The following SERINC2 variants were observed in gnomAD, a reference collection of about 807,000 sequenced individuals.
SERINC2 encodes the protein serine incorporator 2, also known as tumor differentially expressed protein 2.
Under a neutral mutation model 54.2 loss-of-function variants are expected in SERINC2, and 56 were observed. The observed-to-expected ratio is 1.03, with a 90% CI of 0.83 to 1.29. The LOEUF is 1.29. SERINC2 is among the 50% of genes most tolerant of loss of function. The pLI is 0.00. For synonymous variants in SERINC2, 272 were observed against 253.1 expected (o/e 1.07, Z -0.71); for missense variants, 614 against 607.4 (o/e 1.01, Z -0.12).
chr1:31,431,992 GAT>G (rs1641254920), intron 8 of SERINC2, among the ~76,000 whole-genome samples: 1 of 144,624 alleles, frequency 6.9e-6, no homozygotes, highest in Admixed American at 6.8e-5. Flanking sequence ...GGATAGGGTG[GAT>G]AGGGTGGATA....
At position 31,429,024 on chromosome 1, in the gene SERINC2, T is replaced by A; in HGVS notation, c.827T>A (p.Leu276His). The stretch of plus-strand genomic sequence containing the variant: ...CTGCTGCAGGCCTCGGTCATCACCC[T>A]CTACACCATGTTTGTCACCTGGTCA... ...SGLLQASVIT[L>H]YTMFVTWSAL... The change falls in exon 7 of 10, where the codon CTC becomes CAC. Residue 276 changes from leucine (L) to histidine (H), a missense_variant. Transcript: ENST00000373709. The A allele has an allele frequency of 6.2e-7, 1 of 1,614,006 alleles. No individual in the cohort carries two copies.
At chr1:31,426,134 G>T in intron 5 of SERINC2, 1 of 535,568 alleles carries the variant, frequency 1.9e-6, no homozygotes. Context: ...AGAGGCCTTG[G>T]AGGGGTCTTG....
At chr1:31,432,093 C>CAGGGTGGAGAGGGTGGAG (rs1641283141) in intron 8 of SERINC2, among the ~76,000 whole-genome samples, 1 of 16,546 alleles carries the variant, frequency 6.0e-5, no homozygotes, top group Non-Finnish European at 1.1e-4. Flanking sequence ...TTAGGGTGGA[C>CAGGGTGGAGAGGGTGGAG]AGGGTGGACA....
chr1:31,431,893 GAT>G (rs1641242124), intron 8 of SERINC2, among the ~76,000 whole-genome samples: 1 of 146,044 alleles, frequency 6.8e-6, no homozygotes. Flanking sequence ...GGACAGGGTG[GAT>G]AGGGTGGATA....
At chr1:31,417,383 G>T (rs961760737) in intron 1 of SERINC2, among the ~76,000 whole-genome samples, 1 of 152,080 alleles carries the variant, frequency 6.6e-6, no homozygotes, top group South Asian at 2.1e-4. Flanking sequence ...CACCACTTCC[G>T]TGACCTCTGT....
At chr1:31,433,744 CGGTCAGGACTAA>C (rs1185388716) in intron 9 of SERINC2, among the ~76,000 whole-genome samples, 2 of 152,032 alleles carry the variant, frequency 1.3e-5, no homozygotes, top group Non-Finnish European at 2.9e-5. Context: ...TCAAGGGTAG[CGGTCAGGACTAA>C]GGTCAGGAGC....
At chr1:31,432,920 G>A (rs59550534) in intron 8 of SERINC2, 47 bp from the exon 9 acceptor site, 10 of 1,454,758 alleles carry the variant, frequency 6.9e-6, no homozygotes, top group East Asian at 4.9e-5. Context: ...AGTGTTATGA[G>A]CAACGCCAGA....
chr1:31,409,778 G>C (rs1640618791), upstream of SERINC2: 2 of 1,525,784 alleles, frequency 1.3e-6, no homozygotes, highest in Non-Finnish European at 1.8e-6. Context: ...ATAGAGGCCA[G>C]TACAGACAGC....
intron 1 of SERINC2, among the ~76,000 whole-genome samples, chr1:31,422,199 T>C (rs370396566): frequency 6.0e-5 from 9 of 149,684 alleles, no homozygotes; most frequent in African/African-American, 2.2e-4. Context: ...CTCAGGAGGC[T>C]GAGGTGGGAG....
intron 9 of SERINC2, 62 bp downstream of exon 9, chr1:31,433,247 T>G: frequency 2.1e-6 from 3 of 1,400,324 alleles, no homozygotes; most frequent in Non-Finnish European, 3.0e-6. Flanking sequence ...CACACATCTC[T>G]CCTGCGGCCC....
In SERINC2 at chr1:31,413,922, G is replaced by T; in HGVS notation, c.39+618G>T. The stretch of plus-strand genomic sequence containing the variant: ...CCGTCCGTCCCTCAGTCTCTCTGCG[G>T]TCCCTTTACCGTCCTCAGTCTGGCT... On this transcript the variant is annotated intron_variant, in intron 1 of 9. Coordinates refer to ENST00000373709, the MANE Select transcript of SERINC2 (RefSeq NM_178865.5). The surrounding 1 kb of genome is among the most constrained non-coding windows in gnomAD (Gnocchi z 5.0). 6.6e-7 allele frequency: 1 copy of T among 1,509,680 alleles called. No individual in the cohort carries two copies. Among genetic ancestry groups the T allele is most frequent in the Middle Eastern group, 1.7e-4 (1 of 5,758 alleles). 93.5% of individuals were successfully genotyped at this position (1,509,680 alleles called of 1,614,324 possible).
At chr1:31,431,557 G>C (rs1255208114) in intron 8 of SERINC2, among the ~76,000 whole-genome samples, 1 of 152,216 alleles carries the variant, frequency 6.6e-6, no homozygotes, top group African/African-American at 2.4e-5. Flanking sequence ...CCCCGACCTG[G>C]CACAGCTGTT....
intron 8 of SERINC2, among the ~76,000 whole-genome samples, chr1:31,431,954 T>C (rs1557500429): frequency 2.8e-5 from 4 of 144,044 alleles, no homozygotes; most frequent in Non-Finnish European, 6.1e-5. Flanking sequence ...GTGGTTAGGG[T>C]GGTTAGGGTG....
chr1:31,433,076 C>T lies in SERINC2; in HGVS notation c.1123C>T (p.Arg375Trp), dbSNP rs782632034. ...QQQQVAACEG[R>W]AFDNEQDGVT... is the part of the protein sequence containing the mutation. Reference sequence around the variant, plus strand: ...GCAGCAGGTGGCAGCCTGTGAGGGCCGGGCCTTTGACAACGAGCAGGACGG... The same window carrying T: ...GCAGCAGGTGGCAGCCTGTGAGGGCTGGGCCTTTGACAACGAGCAGGACGG... Residue 375 changes from arginine (R) to tryptophan (W), a missense_variant, in exon 9 of 10, where the codon CGG becomes TGG. By Grantham distance (101) the Arg-to-Trp change is moderately radical. Transcript: ENST00000373709. The T allele has an allele frequency of 2.4e-5, 38 of 1,613,316 alleles. No homozygotes were observed. The highest frequency in any genetic ancestry group is 1.6e-4 in the Middle Eastern group (1 of 6,082).
Position 31,429,388 on chromosome 1 carries a change from C to A in SERINC2, c.872-9C>A. On this transcript the variant is annotated splice_polypyrimidine_tract_variant and intron_variant, in intron 7 of 9. Coordinates refer to ENST00000373709, the MANE Select transcript of SERINC2 (RefSeq NM_178865.5). ...CATGGGCTGAGGGTGATTGTGCTCCCATCTCCAGAACAGAAATGCAACCCC... is the reference window on the plus strand; with the variant it reads ...CATGGGCTGAGGGTGATTGTGCTCCAATCTCCAGAACAGAAATGCAACCCC... 6.2e-7 allele frequency: 1 copy of A among 1,606,636 alleles called. No homozygotes were observed. Among genetic ancestry groups the A allele is most frequent in the Non-Finnish European group, 8.5e-7 (1 of 1,175,984 alleles).
intron 8 of SERINC2, among the ~76,000 whole-genome samples, chr1:31,430,498 TA>T (rs542301970): frequency 1.5e-3 from 208 of 134,438 alleles, no homozygotes; most frequent in Non-Finnish European, 1.8e-3. Flanking sequence ...ATGGTGTCTC[TA>T]AAAAAAAAAA....
intron 8 of SERINC2, among the ~76,000 whole-genome samples, chr1:31,431,488 G>T (rs1641197479): frequency 6.6e-6 from 1 of 151,936 alleles, no homozygotes; most frequent in African/African-American, 2.4e-5. Context: ...GCACATGGTG[G>T]CCGGTGGCCA....
intron 4 of SERINC2, among the ~76,000 whole-genome samples, 177 bp from the exon 5 acceptor site, chr1:31,425,599 G>C (rs370184851): frequency 6.6e-6 from 1 of 152,206 alleles, no homozygotes; most frequent in African/African-American, 2.4e-5. Flanking sequence ...CCAGGGGTAG[G>C]GGGAGCTGTC....
chr1:31,416,076 G>C (rs142009772), intron 1 of SERINC2, among the ~76,000 whole-genome samples: 1 of 152,288 alleles, frequency 6.6e-6, no homozygotes, highest in African/African-American at 2.4e-5. Flanking sequence ...TCGGATCCTA[G>C]CTTTGCCTCT....
Sources: gnomAD v4.1 joint callset for allele counts (sites outside exome capture counted in the v4.1 genomes callset) on GRCh38, gnomAD v4.1.1 for gene constraint, Gnocchi (gnomAD v3.1) non-coding constraint, MANE v1.5 for transcripts, NCBI Gene and HGNC (gene_info 2026-07-23, HGNC 2026-07-21) for gene names.